POU6F1: variants seen among roughly 807,000 people sequenced by gnomAD.
POU6F1 encodes the protein POU domain, class 6, transcription factor 1.
POU6F1 carries 9 observed loss-of-function variants against 28.9 expected under a neutral mutation model. That is an observed-to-expected ratio of 0.31 (90% confidence interval 0.19 to 0.54). POU6F1 has a LOEUF of 0.54. Among genes scored for constraint, POU6F1 ranks in the 20% least tolerant of loss-of-function variants. The pLI is 0.94. For synonymous variants in POU6F1, 173 were observed against 171.1 expected (o/e 1.01, Z -0.09); for missense variants, 338 against 426.1 (o/e 0.79, Z 1.82).
At position 51,187,932 on chromosome 12, in the gene POU6F1, C is replaced by G. The variant is rs1335892575; in HGVS notation, c.*2315G>C. The G allele has an allele frequency of 6.6e-6, 1 of 152,088 alleles. No homozygotes were observed. The highest frequency in any genetic ancestry group is 1.5e-5 in the Non-Finnish European group (1 of 68,032). 9.4% of individuals were successfully genotyped at this position (152,088 alleles called of 1,614,324 possible). Reference sequence around the variant, plus strand: ...CGTCTGAGCATGAAAACCTGCATCGCCATAAGTTTTTGTTTGTTTGAGACC... The same window carrying G: ...CGTCTGAGCATGAAAACCTGCATCGGCATAAGTTTTTGTTTGTTTGAGACC... On this transcript the variant is annotated 3_prime_UTR_variant, in exon 11 of 11. Transcript: ENST00000333640.
Position 51,191,676 on chromosome 12 carries a change from C to T in POU6F1, c.1410G>A (p.Ser470=), listed in dbSNP as rs367663714. ...CCACCTGGGTCTGTGTAAGGCCCAG[C>T]GAGAGCCGCCGGATCTTAAAGTTCT... ...FAKNFKIRRL[S]LGLTQTQVGQ... is the part of the protein sequence containing the mutation. Residue 470 remains serine (S), a synonymous_variant, in exon 10 of 11, where the codon TCG becomes TCA. Transcript: ENST00000333640. 57 of 1,614,052 alleles carry T rather than the reference C, an allele frequency of 3.5e-5. No individual in the cohort carries two copies. Among genetic ancestry groups the T allele is most frequent in the Admixed American group, 3.5e-4 (21 of 60,008 alleles).
At chr12:51,205,533 A>G (rs1308259715) in intron 2 of POU6F1, among the ~76,000 whole-genome samples, 1 of 152,232 alleles carries the variant, frequency 6.6e-6, no homozygotes, top group African/African-American at 2.4e-5. Flanking sequence ...AACCCTGCCA[A>G]TTGGGCCATT....
rs1381876364 is a variant in POU6F1 at position 51,190,465 on chromosome 12, C to T, written c.1618G>A (p.Glu540Lys). Residue 540 changes from glutamate (E) to lysine (K), a missense_variant, in exon 11 of 11, where the codon GAG (glutamate) becomes AAG (lysine). This residue lies in a region of POU6F1 where 126 missense variants were observed against 176.5 expected (regional missense o/e 0.71). Transcript: ENST00000333640. This position sits in a 1 kb window ranked among gnomAD's most constrained non-coding sequence, Gnocchi z 4.5. Reference protein sequence around the residue: ...QQNLMEFVGGEPSKKRKRRTS... With the variant: ...QQNLMEFVGGKPSKKRKRRTS... Reference sequence around the variant, plus strand: ...CGGCGTTTGCGTTTCTTGGAGGGCTCGCCTCCCACAAACTCCATCAGGTTC... The same window carrying T: ...CGGCGTTTGCGTTTCTTGGAGGGCTTGCCTCCCACAAACTCCATCAGGTTC... 6.2e-7 allele frequency: 1 copy of T among 1,614,084 alleles called. No homozygotes were observed. Among genetic ancestry groups the T allele is most frequent in the South Asian group, 1.1e-5 (1 of 91,064 alleles).
chr12:51,192,566 T>G, intron 8 of POU6F1, 95 bp from the exon 9 acceptor site: 2 of 1,498,500 alleles, frequency 1.3e-6, no homozygotes, highest in Non-Finnish European at 1.8e-6. Context: ...AAAACAGACA[T>G]GAAATCCTCA....
At chr12:51,216,974 G>A (rs1233635915) in intron 1 of POU6F1, among the ~76,000 whole-genome samples, 1 of 147,536 alleles carries the variant, frequency 6.8e-6, no homozygotes, top group African/African-American at 2.4e-5. Context: ...CAGGGAGCCT[G>A]CATCGGGCCC....
chr12:51,203,363 G>A (rs1943354462), intron 3 of POU6F1, among the ~76,000 whole-genome samples: 5 of 152,176 alleles, frequency 3.3e-5, no homozygotes. Context: ...CAGAGATGCA[G>A]GGTCCTTGTC....
rs1181344413 is a variant in POU6F1 at position 51,187,461 on chromosome 12, C to G, written c.*2786G>C. ...AACAAAAAATAAAATAAACCTACCT[C>G]CTAGGTGAGAGGTTCAGGCCCCAGC... On this transcript the variant is annotated 3_prime_UTR_variant, in exon 11 of 11. Transcript: ENST00000333640. 2 of 152,182 alleles carry G rather than the reference C, an allele frequency of 1.3e-5. No individual in the cohort carries two copies. Among genetic ancestry groups the G allele is most frequent in the East Asian group, 1.9e-4 (1 of 5,196 alleles). 9.4% of individuals were successfully genotyped at this position (152,182 alleles called of 1,614,324 possible).
At chr12:51,212,219 G>C (rs1944046369) in intron 1 of POU6F1, among the ~76,000 whole-genome samples, 1 of 151,896 alleles carries the variant, frequency 6.6e-6, no homozygotes, top group Non-Finnish European at 1.5e-5. Context: ...TCAGCCTCCT[G>C]AGTAGCTGGG....
chr12:51,206,315 C>T (rs1357976634), intron 2 of POU6F1, among the ~76,000 whole-genome samples: 9 of 150,460 alleles, frequency 6.0e-5, no homozygotes, highest in South Asian at 2.1e-4. Context: ...CCCAGCTACT[C>T]GGGAGGCTGA....
At chr12:51,192,100 GCTCGGCCT>G (rs11276817) in intron 9 of POU6F1, among the ~76,000 whole-genome samples, 14,551 of 152,130 alleles carry the variant, frequency 0.096, 834 homozygotes, top group Admixed American at 0.19. Flanking sequence ...ACAGCCCATG[GCTCGGCCT>G]CTCCAAAAAG....
intron 1 of POU6F1, among the ~76,000 whole-genome samples, chr12:51,214,672 T>TCA (rs1205711461): frequency 6.6e-6 from 1 of 152,146 alleles, no homozygotes; most frequent in African/African-American, 2.4e-5. Flanking sequence ...GGGTAGTAGC[T>TCA]CACACCTGTA....
At chr12:51,201,801 A>C (rs1364183413) in intron 3 of POU6F1, 1 of 152,102 alleles carries the variant, frequency 6.6e-6, no homozygotes, top group African/African-American at 2.4e-5. Flanking sequence ...AGACTAAATG[A>C]ACTCACAGAA....
chr12:51,204,550 G>A (rs770224287), intron 2 of POU6F1, among the ~76,000 whole-genome samples, 182 bp from the exon 3 acceptor site: 2 of 152,186 alleles, frequency 1.3e-5, no homozygotes, highest in South Asian at 4.1e-4. Context: ...CCTGATTCCA[G>A]GGAAGGAGCT....
chr12:51,192,296 A>G (rs1039971848), intron 9 of POU6F1, 34 bp downstream of exon 9: 5 of 1,608,642 alleles, frequency 3.1e-6, no homozygotes, highest in Non-Finnish European at 3.4e-6. Flanking sequence ...ATGCCTCCCC[A>G]CTTCTCCACA....
chr12:51,195,455 G>A (rs757960929), intron 8 of POU6F1, among the ~76,000 whole-genome samples: 1 of 152,168 alleles, frequency 6.6e-6, no homozygotes, highest in Non-Finnish European at 1.5e-5. Context: ...CCAATGCCAA[G>A]CTACCTAAGG....
chr12:51,192,249 G>C, intron 9 of POU6F1, 81 bp downstream of exon 9: 1 of 1,533,064 alleles, frequency 6.5e-7, no homozygotes, highest in South Asian at 1.2e-5. Context: ...AGGATATCAA[G>C]GAAAGCAGCA....
intron 3 of POU6F1, among the ~76,000 whole-genome samples, chr12:51,200,574 A>G (rs1159036443): frequency 2.6e-5 from 4 of 152,198 alleles, no homozygotes; most frequent in African/African-American, 9.7e-5. Flanking sequence ...CCACCAGGAA[A>G]CTTCTTCACA....
At position 51,205,802 on chromosome 12, in the gene POU6F1, A is replaced by ATCTTT. The variant is rs1346370607; in HGVS notation, c.48+982_48+986dup. Among the ~76,000 whole-genome samples the ATCTTT allele has an allele frequency of 2.6e-3, 383 of 149,332 alleles. 1 individual carries two copies. The highest frequency in any genetic ancestry group is 8.8e-3 in the African/African-American group (357 of 40,672). ...TCCAATTACATTTTCAGAGAAATTCATCTTTTCTTTTCTTTCTTTTTTTTT... is the reference window on the plus strand; with the variant it reads ...TCCAATTACATTTTCAGAGAAATTCATCTTTTCTTTTCTTTTCTTTCTTTTTTTTT... On this transcript the variant is annotated intron_variant, in intron 2 of 10. Coordinates refer to ENST00000333640, the MANE Select transcript of POU6F1 (RefSeq NM_001330422.2).
At chr12:51,200,978 T>G (rs551585025) in intron 3 of POU6F1, among the ~76,000 whole-genome samples, 6 of 152,184 alleles carry the variant, frequency 3.9e-5, no homozygotes, top group African/African-American at 1.4e-4. Context: ...CAGGCATGAG[T>G]CACCGCGCCT....
Sources: gnomAD v4.1 joint callset for allele counts (sites outside exome capture counted in the v4.1 genomes callset) on GRCh38, gnomAD v4.1.1 for gene constraint, gnomAD v4.1.1 regional missense constraint, Gnocchi (gnomAD v3.1) non-coding constraint, MANE v1.5 for transcripts, NCBI Gene and HGNC (gene_info 2026-07-23, HGNC 2026-07-21) for gene names.